PKHD1L1: variants seen among roughly 807,000 people sequenced by gnomAD.
PKHD1L1 encodes PKHD1 like 1, also known as fibrocystin-L.
A neutral mutation model predicts 462.9 loss-of-function variants in PKHD1L1; 434 were observed. The observed-to-expected ratio is 0.94, with a 90% CI of 0.87 to 1.02. The LOEUF (loss-of-function observed/expected upper bound fraction) is 1.02, where lower values mean the gene tolerates loss of function less well. Among genes scored for constraint, PKHD1L1 ranks in the 50% least tolerant of loss-of-function variants. The pLI, the probability that PKHD1L1 is intolerant of heterozygous loss-of-function variation, is 0.00. For missense variants in PKHD1L1, 5,202 were observed against 5,096.1 expected, an observed-to-expected ratio of 1.02 and a Z score of -0.63; for synonymous variants, 1,781 against 1,750.0, an observed-to-expected ratio of 1.02 and a Z score of -0.44.
chr8:109,452,878 A>G lies in PKHD1L1; in HGVS notation c.6664+4A>G. On this transcript the variant is annotated splice_donor_region_variant and intron_variant, in intron 43 of 77. Coordinates refer to ENST00000378402, the MANE Select transcript of PKHD1L1 (RefSeq NM_177531.6). ...TTGAAAATGTTGCTTATTCAGGGTA[A>G]ATTTCTGAATATCTGTTCATTGGAC... is the stretch of plus-strand genomic sequence containing the variant. The G allele has an allele frequency of 1.4e-6, 2 of 1,406,178 alleles. No individual in the cohort carries two copies. Among genetic ancestry groups the G allele is most frequent in the Non-Finnish European group, 1.9e-6 (2 of 1,070,916 alleles). The allele number at this position is 1,406,178 out of a possible 1,614,324, so 87.1% of individuals were successfully genotyped here.
chr8:109,442,850 T>G, intron 35 of PKHD1L1, 96 bp from the exon 36 acceptor site: 7 of 1,151,540 alleles, frequency 6.1e-6, no homozygotes, highest in Non-Finnish European at 8.9e-6. Flanking sequence ...GTCATCTGTA[T>G]GTGCATTTAA....
chr8:109,363,231 A>G (rs1262566769), intron 1 of PKHD1L1, among the ~76,000 whole-genome samples: 1 of 152,138 alleles, frequency 6.6e-6, no homozygotes, highest in East Asian at 1.9e-4. Flanking sequence ...ATAGGCGAGG[A>G]GCAGCACTGT....
At chr8:109,447,580 A>G (rs1298342967) in intron 38 of PKHD1L1, among the ~76,000 whole-genome samples, 1 of 152,252 alleles carries the variant, frequency 6.6e-6, no homozygotes, top group African/African-American at 2.4e-5. Context: ...CATTCAAGGC[A>G]TTAACATCAA....
intron 30 of PKHD1L1, 142 bp downstream of exon 30, chr8:109,436,601 A>C: frequency 7.6e-7 from 1 of 1,313,218 alleles, no homozygotes; most frequent in Non-Finnish European, 1.0e-6. Flanking sequence ...CTTAAAACTT[A>C]TTTCTTCCAT....
At position 109,490,086 on chromosome 8, in the gene PKHD1L1, T is replaced by C. The variant is rs995621656; in HGVS notation, c.9984+31T>C. Reference sequence around the variant, plus strand: ...TGCTTTATTTTTAATTTTGTGTATATTAAAAATATGCAAAATATTTTTATT... The same window carrying C: ...TGCTTTATTTTTAATTTTGTGTATACTAAAAATATGCAAAATATTTTTATT... On this transcript the variant is annotated intron_variant, in intron 60 of 77. Transcript: ENST00000378402. 3.0e-6 allele frequency: 4 copies of C among 1,339,224 alleles called. No homozygotes were observed. In the African/African-American group the frequency reaches 4.5e-5, roughly 15 times the overall value. The allele number at this position is 1,339,224 out of a possible 1,614,324, so 83.0% of individuals were successfully genotyped here. A position where few individuals can be genotyped will look rare whatever the true frequency, so the allele number is the denominator to read the frequency against.
At chr8:109,472,711 G>A (rs188256927) in intron 50 of PKHD1L1, among the ~76,000 whole-genome samples, 1 of 105,840 alleles carries the variant, frequency 9.4e-6, no homozygotes, top group Non-Finnish European at 2.0e-5. Flanking sequence ...TTACTTCTGT[G>A]TGTGAAAAAA....
chr8:109,473,301 CAA>C (rs1457114198), intron 50 of PKHD1L1, among the ~76,000 whole-genome samples: 1 of 152,010 alleles, frequency 6.6e-6, no homozygotes, highest in Non-Finnish European at 1.5e-5. Flanking sequence ...CACTTGAGGT[CAA>C]GAGTTCGAAA....
intron 66 of PKHD1L1, 33 bp from the exon 67 acceptor site, chr8:109,498,622 A>G: frequency 6.2e-7 from 1 of 1,611,318 alleles, no homozygotes; most frequent in Non-Finnish European, 8.5e-7. Flanking sequence ...GTGCATATTC[A>G]ATTTTCATTA....
chr8:109,470,564 A>T, intron 50 of PKHD1L1: 4 of 1,601,504 alleles, frequency 2.5e-6, no homozygotes, highest in Non-Finnish European at 3.4e-6. Flanking sequence ...GGAACTATTC[A>T]GCTTAGTTCC....
chr8:109,527,152 C>G (rs1446263792), intron 77 of PKHD1L1, 132 bp downstream of exon 77: 1 of 770,158 alleles, frequency 1.3e-6, no homozygotes, highest in Admixed American at 2.8e-5. Context: ...GCCTCAATAG[C>G]AGAGACAAGA....
In PKHD1L1 at chr8:109,420,599, A is replaced by T. The variant is rs750173870; in HGVS notation, c.2606A>T (p.Asn869Ile). ...TTTCAGGTGAATCAGACCAAAACAA[A>T]TGGGCCAACTATGACAAACCAATAT... is the stretch of plus-strand genomic sequence containing the variant. ...EHFQVNQTKT[N>I]GPTMTNQYSV... The change falls in exon 23 of 78, where the codon AAT becomes ATT. Residue 869 changes from asparagine to isoleucine, a missense_variant. By Grantham distance (149) the Asn-to-Ile change is moderately radical. Coordinates refer to ENST00000378402, the MANE Select transcript of PKHD1L1 (RefSeq NM_177531.6). The T allele has an allele frequency of 6.2e-7, 1 of 1,610,096 alleles. No homozygotes were observed. Among genetic ancestry groups the T allele is most frequent in the Admixed American group, 1.7e-5 (1 of 59,594 alleles).
intron 23 of PKHD1L1, among the ~76,000 whole-genome samples, chr8:109,421,696 A>G (rs1375869173): frequency 6.6e-6 from 1 of 152,198 alleles, no homozygotes; most frequent in Non-Finnish European, 1.5e-5. Context: ...AGGCAGGAGA[A>G]TGGCGTGAAC....
At chr8:109,466,792 A>G (rs758573123) in intron 50 of PKHD1L1, 23 bp downstream of exon 50, 1 of 1,564,784 alleles carries the variant, frequency 6.4e-7, no homozygotes, top group African/African-American at 1.4e-5. Context: ...TATTAGTTTA[A>G]ACAACTAATT....
intron 45 of PKHD1L1, 143 bp from the exon 46 acceptor site, chr8:109,456,119 T>G: frequency 1.2e-6 from 1 of 817,576 alleles, no homozygotes; most frequent in Non-Finnish European, 1.8e-6. Context: ...TACATATTTC[T>G]TTTTGGAGAA....
intron 2 of PKHD1L1, among the ~76,000 whole-genome samples, chr8:109,375,463 G>A (rs1379112389): frequency 1.3e-5 from 2 of 151,992 alleles, no homozygotes; most frequent in East Asian, 1.9e-4. Context: ...CCTTTAGCTC[G>A]GAGTGGTTTG....
In PKHD1L1 at chr8:109,533,331, A is replaced by C. The variant is rs967677744; in HGVS notation, c.*3241A>C. On this transcript the variant is annotated 3_prime_UTR_variant, in exon 78 of 78. Transcript: ENST00000378402. ...TATATGACATGTAACACAGTGCCTA[A>C]CAGGCGGTAAAATGATAGCCACTCT... 6.6e-6 allele frequency among the ~76,000 whole-genome samples: 1 copy of C among 152,254 alleles called. No homozygotes were observed. The highest frequency in any genetic ancestry group is 2.4e-5 in the African/African-American group (1 of 41,470).
In PKHD1L1 at chr8:109,496,953, T is replaced by C; in HGVS notation, c.10362T>C (p.Asn3454=). ...QFNPVEKWFD[N]EAHGGLYGIY... Reference sequence around the variant, plus strand: ...ATCCTGTGGAAAAGTGGTTTGACAATGAAGCCCATGGAGGTTTATATGGGA... The same window carrying C: ...ATCCTGTGGAAAAGTGGTTTGACAACGAAGCCCATGGAGGTTTATATGGGA... Residue 3454 remains asparagine, a synonymous_variant, in exon 64 of 78, where the codon AAT becomes AAC. Transcript: ENST00000378402. 6.2e-7 allele frequency: 1 copy of C among 1,613,546 alleles called. No individual in the cohort carries two copies. The highest frequency in any genetic ancestry group is 8.5e-7 in the Non-Finnish European group (1 of 1,179,592).
In PKHD1L1 at chr8:109,425,557, G is replaced by T. The variant is rs183302780; in HGVS notation, c.2845+325G>T. On this transcript the variant is annotated intron_variant, in intron 24 of 77. Coordinates refer to ENST00000378402, the MANE Select transcript of PKHD1L1 (RefSeq NM_177531.6). ...TCCCTTAAAAATAATATTTTTAAAA[G>T]TCTGCAAAAATTTATAACAATTTTT... is the stretch of plus-strand genomic sequence containing the variant. Among the ~76,000 whole-genome samples, 617 of 151,960 alleles carry T rather than the reference G, an allele frequency of 4.1e-3. 7 individuals carry two copies. The highest frequency in any genetic ancestry group is 5.9e-3 in the Non-Finnish European group (402 of 67,914).
chr8:109,510,628 G>T, intron 70 of PKHD1L1, 149 bp from the exon 71 acceptor site: 14 of 983,864 alleles, frequency 1.4e-5, no homozygotes, highest in Non-Finnish European at 2.0e-5. Context: ...TAGCTGGCTG[G>T]GTAACGGTGG....
Sources: gnomAD v4.1 joint callset for allele counts (sites outside exome capture counted in the v4.1 genomes callset) on GRCh38, gnomAD v4.1.1 for gene constraint, MANE v1.5 for transcripts, NCBI Gene and HGNC (gene_info 2026-07-23, HGNC 2026-07-21) for gene names.